Variants in FAM120B observed in about 807,000 individuals in gnomAD.
FAM120B encodes family with sequence similarity 120 member B, also known as constitutive coactivator of peroxisome proliferator-activated receptor gamma.
Under a neutral mutation model 96.3 loss-of-function variants are expected in FAM120B, and 83 were observed. That is an observed-to-expected ratio of 0.86 (90% CI 0.72 to 1.03). The LOEUF (loss-of-function observed/expected upper bound fraction) is 1.03, where lower values mean the gene tolerates loss of function less well. Ranked by LOEUF, FAM120B falls within the 50% of genes least tolerant of loss-of-function variation. The probability of loss-of-function intolerance (pLI) is 0.00; values close to 1 mark genes in which losing one functional copy is unlikely to be tolerated. For missense variants in FAM120B, 1,027 were observed against 1,121.2 expected, an observed-to-expected ratio of 0.92 and a Z score of 1.20; for synonymous variants, 407 against 402.7, an observed-to-expected ratio of 1.01 and a Z score of -0.13.
intron 6 of FAM120B, among the ~76,000 whole-genome samples, chr6:170,361,239 C>CAT (rs1562567285): frequency 1.7e-5 from 1 of 58,788 alleles, no homozygotes; most frequent in African/African-American, 6.4e-5. Flanking sequence ...TATATATACA[C>CAT]GTATATATAT....
chr6:170,352,503 T>C (rs9356647), intron 5 of FAM120B, among the ~76,000 whole-genome samples: 15,706 of 152,242 alleles, frequency 0.1, 1,032 homozygotes, highest in East Asian at 0.2. Flanking sequence ...CGGCACTTAC[T>C]CTAAAATGGA....
intron 3 of FAM120B, among the ~76,000 whole-genome samples, chr6:170,326,600 A>G (rs775988730): frequency 1.3e-5 from 2 of 152,226 alleles, no homozygotes; most frequent in Non-Finnish European, 2.9e-5. Flanking sequence ...CTCCTTCCAC[A>G]GTCCCCGTCA....
chr6:170,326,392 C>A (rs935584793), intron 3 of FAM120B, among the ~76,000 whole-genome samples: 1 of 152,208 alleles, frequency 6.6e-6, no homozygotes, highest in Non-Finnish European at 1.5e-5. Flanking sequence ...TTCTTCCCCC[C>A]ATTCCTGTCC....
intron 6 of FAM120B, among the ~76,000 whole-genome samples, chr6:170,374,071 A>C (rs1242802188): frequency 1.3e-5 from 2 of 152,212 alleles, no homozygotes. Context: ...GAGTAGCAGC[A>C]AAAGAAAGCC....
chr6:170,406,399 G>T lies in FAM120B; in HGVS notation c.*1648G>T, dbSNP rs1778804433. 6.6e-6 allele frequency: 1 copy of T among 152,160 alleles called. No individual in the cohort carries two copies. Among genetic ancestry groups the T allele is most frequent in the South Asian group, 2.1e-4 (1 of 4,826 alleles). The allele number at this position is 152,160 out of a possible 1,614,324, so 9.4% of individuals were successfully genotyped here. On this transcript the variant is annotated 3_prime_UTR_variant, in exon 11 of 11. Coordinates refer to ENST00000476287, the MANE Select transcript of FAM120B (RefSeq NM_032448.3). ...AATAAGCCCCTGAACGTGCTTGCAG[G>T]CCAGTTTGTGTGCCTGCACTTGACG...
intron 6 of FAM120B, among the ~76,000 whole-genome samples, chr6:170,373,703 G>A (rs755747482): frequency 5.3e-5 from 8 of 152,142 alleles, no homozygotes; most frequent in South Asian, 2.1e-4. Flanking sequence ...TAAAGCTTAC[G>A]TTATAATTAG....
chr6:170,400,787 T>A (rs1778532781), intron 9 of FAM120B, among the ~76,000 whole-genome samples: 1 of 152,222 alleles, frequency 6.6e-6, no homozygotes, highest in African/African-American at 2.4e-5. Context: ...ATCGCTGTTC[T>A]TGCAGAATGA....
Position 170,351,789 on chromosome 6 carries a change from G to A in FAM120B, c.2190+3466G>A, listed in dbSNP as rs1024940916. On this transcript the variant is annotated intron_variant, in intron 5 of 10. Transcript: ENST00000476287. ...TGCCTTGCAAGAGCTCTTGAAGGAA[G>A]CATTAAATATGGAAAGCCAAAACTA... Among the ~76,000 whole-genome samples the A allele has an allele frequency of 8.5e-5, 13 of 152,326 alleles. No homozygotes were observed. The East Asian group carries it at 2.5e-3, about 29-fold the overall frequency.
At chr6:170,356,645 G>T (rs945055974) in intron 5 of FAM120B, among the ~76,000 whole-genome samples, 3 of 152,042 alleles carry the variant, frequency 2.0e-5, no homozygotes, top group Non-Finnish European at 4.4e-5. Flanking sequence ...TGAAAAGCTG[G>T]CCCTTTATAT....
At chr6:170,351,504 C>T (rs1787579008) in intron 5 of FAM120B, among the ~76,000 whole-genome samples, 1 of 152,166 alleles carries the variant, frequency 6.6e-6, no homozygotes, top group Admixed American at 6.5e-5. Context: ...ATCAGATTCT[C>T]CAGGTTGAAA....
intron 8 of FAM120B, among the ~76,000 whole-genome samples, chr6:170,394,244 C>G (rs1261253812): frequency 2.0e-5 from 3 of 152,170 alleles, no homozygotes; most frequent in African/African-American, 4.8e-5. Context: ...GGTGAGTCAG[C>G]CTTAGAGACC....
intron 6 of FAM120B, among the ~76,000 whole-genome samples, chr6:170,374,213 G>A (rs937308764): frequency 2.6e-5 from 4 of 152,278 alleles, no homozygotes; most frequent in Non-Finnish European, 4.4e-5. Context: ...CTGGCTCCTC[G>A]CCCCTCAAAT....
intron 9 of FAM120B, among the ~76,000 whole-genome samples, chr6:170,397,659 T>G (rs1275643720): frequency 6.6e-6 from 1 of 152,196 alleles, no homozygotes; most frequent in African/African-American, 2.4e-5. Flanking sequence ...GGTTTAGTAA[T>G]GTCGGAAATA....
intron 3 of FAM120B, among the ~76,000 whole-genome samples, chr6:170,330,202 G>A (rs533798295): frequency 5.3e-5 from 8 of 152,288 alleles, no homozygotes; most frequent in African/African-American, 1.9e-4. Flanking sequence ...CCATATTATT[G>A]TTTACTTACC....
chr6:170,327,053 A>C (rs1785633827), intron 3 of FAM120B, among the ~76,000 whole-genome samples: 1 of 146,922 alleles, frequency 6.8e-6, no homozygotes, highest in South Asian at 2.2e-4. Context: ...CAAAACTTGA[A>C]TTTTTTTTTT....
intron 4 of FAM120B, among the ~76,000 whole-genome samples, chr6:170,340,812 G>T (rs987505897): frequency 1.3e-5 from 2 of 152,112 alleles, no homozygotes; most frequent in South Asian, 2.1e-4. Flanking sequence ...TATCACCAGC[G>T]GAGGCTGCAG....
chr6:170,374,653 A>G (rs1789403752), intron 6 of FAM120B, among the ~76,000 whole-genome samples: 1 of 152,194 alleles, frequency 6.6e-6, no homozygotes, highest in African/African-American at 2.4e-5. Context: ...TCAAGAGCAA[A>G]CTTTTCAGTT....
chr6:170,359,768 A>C (rs1340049298), intron 6 of FAM120B, among the ~76,000 whole-genome samples: 2 of 152,142 alleles, frequency 1.3e-5, no homozygotes, highest in Non-Finnish European at 2.9e-5. Flanking sequence ...TTCATTCATA[A>C]ACTAATTCTC....
At position 170,318,344 on chromosome 6, in the gene FAM120B, C is replaced by T. The variant is rs1785039837; in HGVS notation, c.954C>T (p.Pro318=). The T allele has an allele frequency of 6.2e-7, 1 of 1,614,154 alleles. No individual in the cohort carries two copies. Among genetic ancestry groups the T allele is most frequent in the Non-Finnish European group, 8.5e-7 (1 of 1,180,030 alleles). ...AATCTCCATGGTTTTTCCAAAAACCCAAAGGTGTAATAACTTTGGACAAAC... is the reference window on the plus strand; with the variant it reads ...AATCTCCATGGTTTTTCCAAAAACCTAAAGGTGTAATAACTTTGGACAAAC... ...GQKSPWFFQK[P]KGVITLDKQV... Residue 318 remains proline, a synonymous_variant, in exon 2 of 11, where the codon CCC becomes CCT. Transcript: ENST00000476287.
Sources: gnomAD v4.1 joint callset for allele counts (sites outside exome capture counted in the v4.1 genomes callset) on GRCh38, gnomAD v4.1.1 for gene constraint, MANE v1.5 for transcripts, NCBI Gene and HGNC (gene_info 2026-07-23, HGNC 2026-07-21) for gene names.